Variants in PLCG2 observed in about 807,000 individuals in gnomAD.
PLCG2 encodes the protein 1-phosphatidylinositol 4,5-bisphosphate phosphodiesterase gamma-2.
PLCG2 carries 69 observed loss-of-function variants against 175.6 expected under a neutral mutation model. That is an observed-to-expected ratio of 0.39 (90% CI 0.32 to 0.48). PLCG2 has a LOEUF of 0.48. PLCG2 is among the 20% of genes least tolerant of loss of function. The pLI is 0.91. For synonymous variants in PLCG2, 827 were observed against 624.0 expected, an observed-to-expected ratio of 1.33 and a Z score of -4.85; for missense variants, 1,798 against 1,650.9, an observed-to-expected ratio of 1.09 and a Z score of -1.54.
chr16:81,877,220 C>A (rs546643838), intron 7 of PLCG2, among the ~76,000 whole-genome samples: 3 of 152,190 alleles, frequency 2.0e-5, no homozygotes, highest in Non-Finnish European at 4.4e-5. Flanking sequence ...TTTGGGAGGC[C>A]AAGGCGGGCG....
At chr16:81,881,654 T>C (rs1908084360) in intron 8 of PLCG2, among the ~76,000 whole-genome samples, 2 of 152,238 alleles carry the variant, frequency 1.3e-5, no homozygotes, top group Admixed American at 6.5e-5. Context: ...TTATATAGTA[T>C]GTATATTCGA....
chr16:81,942,646 C>T (rs1207261188), intron 30 of PLCG2, among the ~76,000 whole-genome samples: 1 of 152,098 alleles, frequency 6.6e-6, no homozygotes, highest in Non-Finnish European at 1.5e-5. Flanking sequence ...CACAGTAATC[C>T]TGTGAAAGGG....
At chr16:81,752,052 T>C (rs1909822890) in intron 1 of PLCG2, among the ~76,000 whole-genome samples, 1 of 151,154 alleles carries the variant, frequency 6.6e-6, no homozygotes, top group Non-Finnish European at 1.5e-5. Context: ...ATATAATATA[T>C]GTATATAATA....
Position 81,854,447 on chromosome 16 carries a change from A to G in PLCG2, c.197A>G (p.Asp66Gly). The change falls in exon 3 of 33, where the codon GAT becomes GGT. Residue 66 changes from aspartate (D) to glycine (G), a missense_variant. Asp to Gly is a moderately conservative substitution (Grantham distance 94, BLOSUM62 -1). Transcript: ENST00000564138. ...KTADKIEGFL[D>G]IMEIKEIRPG... ...GCTCATGTTAATTTCATTTTAGTGG[A>G]TATCATGGAAATAAAAGAAATCCGC... 6.2e-7 allele frequency: 1 copy of G among 1,613,920 alleles called. No individual in the cohort carries two copies. Among genetic ancestry groups the G allele is most frequent in the Non-Finnish European group, 8.5e-7 (1 of 1,179,800 alleles).
intron 1 of PLCG2, among the ~76,000 whole-genome samples, chr16:81,781,092 AAG>A (rs145759368): frequency 0.12 from 18,478 of 152,106 alleles, 1,705 homozygotes; most frequent in East Asian, 0.49. Flanking sequence ...CAAGAACACA[AAG>A]AGAAAAATTT....
chr16:81,923,313 TGGGGCC>T, intron 21 of PLCG2, 166 bp from the exon 22 acceptor site: 1 of 560,832 alleles, frequency 1.8e-6, no homozygotes, highest in Admixed American at 3.0e-5. Flanking sequence ...GGTGGCTTTT[TGGGGCC>T]TTCGATCCTT....
At chr16:81,858,749 A>G (rs1344881784) in intron 4 of PLCG2, among the ~76,000 whole-genome samples, 3 of 152,216 alleles carry the variant, frequency 2.0e-5, no homozygotes, top group African/African-American at 4.8e-5. Context: ...TGAAGACCTC[A>G]AGACTGTCTC....
chr16:81,753,301 T>C (rs1909849887), intron 1 of PLCG2, among the ~76,000 whole-genome samples: 1 of 147,450 alleles, frequency 6.8e-6, no homozygotes, highest in African/African-American at 2.5e-5. Context: ...TGGTCATTGG[T>C]GGGTTATGCC....
intron 2 of PLCG2, among the ~76,000 whole-genome samples, chr16:81,825,693 C>T (rs1484152754): frequency 6.6e-6 from 1 of 152,210 alleles, no homozygotes; most frequent in African/African-American, 2.4e-5. Flanking sequence ...ACAACTTTTG[C>T]ACTCATCTAA....
At chr16:81,749,184 G>T (rs1909759691) in intron 1 of PLCG2, among the ~76,000 whole-genome samples, 1 of 152,048 alleles carries the variant, frequency 6.6e-6, no homozygotes, top group Non-Finnish European at 1.5e-5. Context: ...TATTTGGGAA[G>T]GTAGGAGCTA....
intron 31 of PLCG2, among the ~76,000 whole-genome samples, chr16:81,952,415 T>C (rs2143770278): frequency 6.6e-6 from 1 of 152,298 alleles, no homozygotes; most frequent in Middle Eastern, 3.4e-3. Context: ...AAATATCATA[T>C]GCCAATAAAA....
At position 81,893,617 on chromosome 16, in the gene PLCG2, AG is replaced by A. The variant is rs1908741733; in HGVS notation, c.987-91del. 5.2e-6 allele frequency: 4 copies of A among 769,186 alleles called. No homozygotes were observed. The East Asian group carries it at 1.0e-4, about 20-fold the overall frequency. 47.6% of individuals were successfully genotyped at this position (769,186 alleles called of 1,614,324 possible). A position where few individuals can be genotyped will look rare whatever the true frequency, so the allele number is the denominator to read the frequency against. On this transcript the variant is annotated intron_variant, in intron 11 of 32. Coordinates refer to ENST00000564138, the MANE Select transcript of PLCG2 (RefSeq NM_002661.5). The stretch of plus-strand genomic sequence containing the variant: ...CTCAGAGCTTTGGCGGCTCGGGCGG[AG>A]AAGTTCCCCCACAACACCCTGAGGT...
chr16:81,785,982 G>T lies in PLCG2; in HGVS notation c.-8G>T, dbSNP rs150565405. 5.6e-6 allele frequency: 9 copies of T among 1,610,682 alleles called. No individual in the cohort carries two copies. The highest frequency in any genetic ancestry group is 6.8e-6 in the Non-Finnish European group (8 of 1,177,698). ...CCGATTCCTTCCTTCTCCCTGGAGC[G>T]GCCGACAATGTCCACCACGGTCAAT... On this transcript the variant is annotated 5_prime_UTR_variant, in exon 2 of 33. Coordinates refer to ENST00000564138, the MANE Select transcript of PLCG2 (RefSeq NM_002661.5).
Position 81,908,525 on chromosome 16 carries a change from G to A in PLCG2, c.1667G>A (p.Gly556Asp). 5.6e-6 allele frequency: 9 copies of A among 1,613,774 alleles called. No homozygotes were observed. The highest frequency in any genetic ancestry group is 2.2e-5 in the East Asian group (1 of 44,882). The change falls in exon 17 of 33, where the codon GGC becomes GAC. Residue 556 changes from glycine (G) to aspartate (D), a missense_variant. Transcript: ENST00000564138. Reference protein sequence around the residue: ...LLQEYCMETGGKDGTFLVRES... With the variant: ...LLQEYCMETGDKDGTFLVRES... The stretch of plus-strand genomic sequence containing the variant: ...CAGGAATACTGCATGGAGACGGGGG[G>A]CAAGGATGGCACCTTCCTGGTTCGG...
chr16:81,800,676 A>T (rs905027287), intron 2 of PLCG2, among the ~76,000 whole-genome samples: 1 of 151,794 alleles, frequency 6.6e-6, no homozygotes, highest in African/African-American at 2.4e-5. Flanking sequence ...TATTATTATT[A>T]TTATTATTAT....
intron 5 of PLCG2, among the ~76,000 whole-genome samples, chr16:81,862,249 G>C (rs946199259): frequency 1.3e-5 from 2 of 152,252 alleles, no homozygotes; most frequent in Non-Finnish European, 2.9e-5. Context: ...CCCAGCCCGG[G>C]CAATGGACAA....
chr16:81,861,339 G>T (rs1487303015), intron 5 of PLCG2, among the ~76,000 whole-genome samples: 2 of 152,198 alleles, frequency 1.3e-5, no homozygotes, highest in African/African-American at 2.4e-5. Context: ...TCTTGAAGGT[G>T]ACTTCGTGTC....
chr16:81,802,086 G>A (rs1234514082), intron 2 of PLCG2, among the ~76,000 whole-genome samples: 1 of 107,390 alleles, frequency 9.3e-6, no homozygotes, highest in Non-Finnish European at 1.9e-5. Flanking sequence ...CTTCAGGTGA[G>A]TACAGTCTTT....
At chr16:81,794,024 G>T (rs1377313480) in intron 2 of PLCG2, among the ~76,000 whole-genome samples, 1 of 152,218 alleles carries the variant, frequency 6.6e-6, no homozygotes, top group African/African-American at 2.4e-5. Context: ...TTCATTTAGA[G>T]TTTCTTTGTG....
Sources: gnomAD v4.1 joint callset for allele counts (sites outside exome capture counted in the v4.1 genomes callset) on GRCh38, gnomAD v4.1.1 for gene constraint, MANE v1.5 for transcripts, NCBI Gene and HGNC (gene_info 2026-07-23, HGNC 2026-07-21) for gene names.